The following TM4SF4 variants were observed in gnomAD, a reference collection of about 807,000 sequenced individuals.
The protein encoded by TM4SF4 is transmembrane 4 L6 family member 4.
TM4SF4 carries 24 observed loss-of-function variants against 24.1 expected under a neutral mutation model. The ratio of observed to expected loss-of-function variants is 1.00; its 90% CI spans 0.72 to 1.40. TM4SF4 has a LOEUF of 1.40. TM4SF4 is among the 40% of genes most tolerant of loss of function. TM4SF4 has a pLI of 0.00. For missense variants in TM4SF4, 254 were observed against 254.2 expected, an observed-to-expected ratio of 1.00 and a Z score of 0.01; for synonymous variants, 113 against 97.0, an observed-to-expected ratio of 1.17 and a Z score of -0.97.
chr3:149,477,951 C>A (rs4321472), intron 2 of TM4SF4, among the ~76,000 whole-genome samples: 52,963 of 151,700 alleles, frequency 0.35, 9,850 homozygotes, highest in Non-Finnish European at 0.42. Context: ...AAATTTCACA[C>A]CTGGTGCTGA....
intron 3 of TM4SF4, among the ~76,000 whole-genome samples, chr3:149,492,276 G>A (rs56237430): frequency 0.032 from 4,827 of 152,224 alleles, 88 homozygotes; most frequent in Middle Eastern, 0.065. Context: ...AAAATCCAGG[G>A]CTCTGCAATG....
chr3:149,476,358 G>C (rs534010906), intron 2 of TM4SF4, among the ~76,000 whole-genome samples: 18 of 152,198 alleles, frequency 1.2e-4, no homozygotes, highest in Non-Finnish European at 2.2e-4. Context: ...AGGCTTCTAG[G>C]TTCCTCACTC....
At chr3:149,477,738 T>A (rs528677671) in intron 2 of TM4SF4, among the ~76,000 whole-genome samples, 23 of 152,348 alleles carry the variant, frequency 1.5e-4, no homozygotes, top group African/African-American at 4.8e-4. Context: ...AATCATGTAA[T>A]ATACGTTTTA....
At chr3:149,482,575 G>T (rs34659397) in intron 2 of TM4SF4, among the ~76,000 whole-genome samples, 54,447 of 151,956 alleles carry the variant, frequency 0.36, 10,277 homozygotes, top group Non-Finnish European at 0.42. Flanking sequence ...ACAGGGTCTG[G>T]CTCTGTTGCC....
intron 3 of TM4SF4, among the ~76,000 whole-genome samples, chr3:149,492,782 A>C (rs1734236148): frequency 6.6e-6 from 1 of 152,162 alleles, no homozygotes; most frequent in Admixed American, 6.5e-5. Flanking sequence ...CTGGATTTGC[A>C]CTTCAGAAAT....
chr3:149,478,149 G>T (rs1733968012), intron 2 of TM4SF4, among the ~76,000 whole-genome samples: 1 of 152,174 alleles, frequency 6.6e-6, no homozygotes, highest in African/African-American at 2.4e-5. Context: ...TCTTTTTGTT[G>T]TTGTTGTTTG....
At chr3:149,481,888 T>G (rs1294658215) in intron 2 of TM4SF4, among the ~76,000 whole-genome samples, 1 of 152,224 alleles carries the variant, frequency 6.6e-6, no homozygotes. Context: ...GCCCGTTGAA[T>G]TTTTTCTCTC....
At chr3:149,476,899 C>T (rs1426158724) in intron 2 of TM4SF4, among the ~76,000 whole-genome samples, 1 of 146,094 alleles carries the variant, frequency 6.8e-6, no homozygotes, top group Non-Finnish European at 1.5e-5. Flanking sequence ...CTTCTGGGCT[C>T]AAGTGATTCT....
At chr3:149,477,858 G>T (rs995077614) in intron 2 of TM4SF4, among the ~76,000 whole-genome samples, 3 of 152,084 alleles carry the variant, frequency 2.0e-5, no homozygotes, top group Admixed American at 1.3e-4. Context: ...GGGGATAGAA[G>T]TTGGAGATGA....
At chr3:149,498,649 T>C in intron 3 of TM4SF4, 73 bp from the exon 4 acceptor site, 1 of 1,380,848 alleles carries the variant, frequency 7.2e-7, no homozygotes, top group East Asian at 2.3e-5. Flanking sequence ...GAAACATTGT[T>C]ATGGTAACTT....
Position 149,474,705 on chromosome 3 carries a change from G to A in TM4SF4, c.-173G>A, listed in dbSNP as rs1733891362. ...GCCATCGAGGTTCTGCTATTTTTGA[G>A]AAGCTGAAGCAACTCCAAGGACACA... On this transcript the variant is annotated 5_prime_UTR_variant, in exon 1 of 5. Transcript: ENST00000305354. 2 of 595,398 alleles carry A rather than the reference G, an allele frequency of 3.4e-6. No individual in the cohort carries two copies. Among genetic ancestry groups the A allele is most frequent in the Middle Eastern group, 4.4e-4 (1 of 2,256 alleles). 36.9% of individuals were successfully genotyped at this position (595,398 alleles called of 1,614,324 possible). A position where few individuals can be genotyped will look rare whatever the true frequency, so the allele number is the denominator to read the frequency against.
chr3:149,492,998 C>T (rs1370001673), intron 3 of TM4SF4, among the ~76,000 whole-genome samples: 1 of 152,148 alleles, frequency 6.6e-6, no homozygotes, highest in African/African-American at 2.4e-5. Context: ...ATCTCTCAGG[C>T]TTCATCTGTG....
At chr3:149,496,935 A>G (rs748069873) in intron 3 of TM4SF4, among the ~76,000 whole-genome samples, 4 of 151,526 alleles carry the variant, frequency 2.6e-5, no homozygotes, top group Non-Finnish European at 5.9e-5. Flanking sequence ...GCACTTTGGG[A>G]AGCCAAGGTG....
At chr3:149,502,279 TCTC>T (rs1361520988) in intron 4 of TM4SF4, among the ~76,000 whole-genome samples, 1 of 152,182 alleles carries the variant, frequency 6.6e-6, no homozygotes, top group Non-Finnish European at 1.5e-5. Flanking sequence ...TACAATGTAT[TCTC>T]CTCAGGTGAT....
At chr3:149,500,778 A>G (rs1456927516) in intron 4 of TM4SF4, among the ~76,000 whole-genome samples, 1 of 152,174 alleles carries the variant, frequency 6.6e-6, no homozygotes, top group Non-Finnish European at 1.5e-5. Context: ...AGGCCAAGGC[A>G]AGAAGATCAC....
chr3:149,495,106 G>C (rs1734286972), intron 3 of TM4SF4: 1 of 264,832 alleles, frequency 3.8e-6, no homozygotes, highest in South Asian at 5.2e-5. Context: ...TAACAAAATG[G>C]ATTCCACAGA....
At chr3:149,495,372 G>T in intron 3 of TM4SF4, 1 of 322,034 alleles carries the variant, frequency 3.1e-6, no homozygotes, top group Non-Finnish European at 6.3e-6. Context: ...CAACCGACAA[G>T]CCCTTGCATC....
chr3:149,479,678 A>C (rs9860963), intron 2 of TM4SF4, among the ~76,000 whole-genome samples: 1 of 152,076 alleles, frequency 6.6e-6, no homozygotes, highest in African/African-American at 2.4e-5. Flanking sequence ...TCTGTGGAGC[A>C]CTGCAATAGG....
intron 3 of TM4SF4, among the ~76,000 whole-genome samples, chr3:149,493,484 A>G (rs1560032260): frequency 1.3e-5 from 2 of 152,186 alleles, no homozygotes; most frequent in Non-Finnish European, 2.9e-5. Flanking sequence ...AAATGGGTAT[A>G]TGTTCATTCA....
Sources: allele counts gnomAD v4.1 joint callset (sites outside exome capture counted in the v4.1 genomes callset), GRCh38; gene constraint gnomAD v4.1.1; transcripts MANE v1.5; gene names NCBI Gene and HGNC (gene_info 2026-07-23, HGNC 2026-07-21).